The following MAN1C1 variants were observed in gnomAD, a reference collection of about 807,000 sequenced individuals.
The protein encoded by MAN1C1 is mannosidase alpha class 1C member 1.
MAN1C1 carries 49 observed loss-of-function variants against 71.5 expected under a neutral mutation model. That is an observed-to-expected ratio of 0.69 (90% CI 0.54 to 0.87). MAN1C1 has a LOEUF of 0.87. Ranked by LOEUF, MAN1C1 falls within the 40% of genes least tolerant of loss-of-function variation. The pLI is 0.00. For missense variants in MAN1C1, 743 were observed against 835.0 expected (o/e 0.89, Z 1.36); for synonymous variants, 352 against 343.7 (o/e 1.02, Z -0.27).
intron 2 of MAN1C1, among the ~76,000 whole-genome samples, chr1:25,688,222 A>G (rs1030825450): frequency 1.3e-5 from 2 of 152,204 alleles, no homozygotes; most frequent in African/African-American, 2.4e-5. Context: ...TACTTCAAAT[A>G]TGAATTAAAG....
chr1:25,716,498 T>C (rs1162853521), intron 2 of MAN1C1, among the ~76,000 whole-genome samples: 4 of 152,186 alleles, frequency 2.6e-5, no homozygotes, highest in African/African-American at 9.6e-5. Context: ...TAATTGTTTT[T>C]GTGTTTTTAG....
In MAN1C1 at chr1:25,644,521, T is replaced by C. The variant is rs910859777; in HGVS notation, c.540+26184T>C. Reference sequence around the variant, plus strand: ...ACATATATATATATATATATATATTTTTTTTTTTTTTTTTTTTTTTTTGAG... The same window carrying C: ...ACATATATATATATATATATATATTCTTTTTTTTTTTTTTTTTTTTTTGAG... On this transcript the variant is annotated intron_variant, in intron 1 of 11. Coordinates refer to ENST00000374332, the MANE Select transcript of MAN1C1 (RefSeq NM_020379.4). The C allele has an allele frequency of 2.6e-5, 3 of 114,228 alleles. No homozygotes were observed. In the Admixed American group the frequency reaches 2.6e-4, roughly 10 times the overall value. 7.1% of individuals were successfully genotyped at this position (114,228 alleles called of 1,614,324 possible). A position where few individuals can be genotyped will look rare whatever the true frequency, so the allele number is the denominator to read the frequency against.
intron 2 of MAN1C1, among the ~76,000 whole-genome samples, chr1:25,701,277 A>C (rs1341958941): frequency 6.6e-6 from 1 of 152,170 alleles, no homozygotes; most frequent in Non-Finnish European, 1.5e-5. Flanking sequence ...GTTGTCACAA[A>C]AGCTGGCAAA....
At chr1:25,709,515 C>G (rs935968137) in intron 2 of MAN1C1, 1 of 152,264 alleles carries the variant, frequency 6.6e-6, no homozygotes, top group African/African-American at 2.4e-5. Context: ...AAAGCCCATG[C>G]TCTTACCCAG....
At chr1:25,722,243 G>A (rs943761003) in intron 2 of MAN1C1, among the ~76,000 whole-genome samples, 5 of 152,084 alleles carry the variant, frequency 3.3e-5, no homozygotes, top group African/African-American at 7.2e-5. Context: ...ATTTCATGAC[G>A]ATATACCTCA....
chr1:25,768,451 C>A (rs1290491798), intron 7 of MAN1C1, among the ~76,000 whole-genome samples: 1 of 131,466 alleles, frequency 7.6e-6, no homozygotes, highest in South Asian at 2.8e-4. Flanking sequence ...TCACACACAT[C>A]CACACTCCCC....
chr1:25,737,922 G>C (rs937658142), intron 2 of MAN1C1, among the ~76,000 whole-genome samples: 1 of 152,136 alleles, frequency 6.6e-6, no homozygotes, highest in Non-Finnish European at 1.5e-5. Flanking sequence ...GCATCACTTT[G>C]CAAAGAGAGC....
chr1:25,683,837 G>T (rs1021199106), intron 1 of MAN1C1, among the ~76,000 whole-genome samples: 1 of 152,196 alleles, frequency 6.6e-6, no homozygotes, highest in Admixed American at 6.5e-5. Context: ...AGCCACCCAT[G>T]GCCGGAGTCG....
intron 7 of MAN1C1, among the ~76,000 whole-genome samples, chr1:25,766,720 C>T (rs2047431953): frequency 6.6e-6 from 1 of 152,130 alleles, no homozygotes; most frequent in South Asian, 2.1e-4. Context: ...AGGCCAACCC[C>T]CTGAGAGCTG....
At chr1:25,739,359 G>T (rs1353836465) in intron 2 of MAN1C1, among the ~76,000 whole-genome samples, 1 of 152,202 alleles carries the variant, frequency 6.6e-6, no homozygotes, top group Non-Finnish European at 1.5e-5. Flanking sequence ...AGAAAAACGT[G>T]TGTGTTGTTT....
At position 25,644,514 on chromosome 1, in the gene MAN1C1, A is replaced by ATTT. The variant is rs1429643822; in HGVS notation, c.540+26178_540+26179insTTT. The ATTT allele has an allele frequency of 4.9e-4, 43 of 88,336 alleles. 1 individual carries two copies. The highest frequency in any genetic ancestry group is 3.5e-3 in the African/African-American group (41 of 11,720). 5.5% of individuals were successfully genotyped at this position (88,336 alleles called of 1,614,324 possible). ...ACCAGAGACATATATATATATATAT[A>ATTT]TATATTTTTTTTTTTTTTTTTTTTT... On this transcript the variant is annotated intron_variant, in intron 1 of 11. Coordinates refer to ENST00000374332, the MANE Select transcript of MAN1C1 (RefSeq NM_020379.4).
intron 2 of MAN1C1, among the ~76,000 whole-genome samples, chr1:25,737,176 A>G (rs1180239225): frequency 2.0e-5 from 3 of 152,254 alleles, no homozygotes; most frequent in African/African-American, 7.2e-5. Flanking sequence ...AAAAACAAAC[A>G]TTAACATTTT....
In MAN1C1 at chr1:25,778,475, A is replaced by G. The variant is rs545612401; in HGVS notation, c.1477+151A>G. 1.3e-6 allele frequency: 1 copy of G among 756,442 alleles called. No individual in the cohort carries two copies. The highest frequency in any genetic ancestry group is 2.0e-5 in the South Asian group (1 of 50,824). The allele number at this position is 756,442 out of a possible 1,614,324, so 46.9% of individuals were successfully genotyped here. On this transcript the variant is annotated intron_variant, in intron 9 of 11. Transcript: ENST00000374332. The surrounding 1 kb of genome is among the most constrained non-coding windows in gnomAD (Gnocchi z 5.5). Reference sequence around the variant, plus strand: ...GTAGAATTTGAGAGAGGTACTCTCCAGGCTCCGAGACCATACCCTGAATGA... The same window carrying G: ...GTAGAATTTGAGAGAGGTACTCTCCGGGCTCCGAGACCATACCCTGAATGA...
At chr1:25,745,527 AAAAGAAAGAAAG>A (rs536697287) in intron 2 of MAN1C1, among the ~76,000 whole-genome samples, 14 of 151,996 alleles carry the variant, frequency 9.2e-5, no homozygotes, top group Non-Finnish European at 1.8e-4. Context: ...AATTTACTTA[AAAAGAAAGAAAG>A]AAAGAAAGAA....
intron 1 of MAN1C1, among the ~76,000 whole-genome samples, chr1:25,684,588 C>G (rs2046201953): frequency 6.6e-6 from 1 of 152,194 alleles, no homozygotes; most frequent in South Asian, 2.1e-4. Context: ...CACGGAGAGT[C>G]CAGGCCATGC....
chr1:25,635,593 G>C (rs1182683270), intron 1 of MAN1C1, among the ~76,000 whole-genome samples: 1 of 151,934 alleles, frequency 6.6e-6, no homozygotes, highest in East Asian at 1.9e-4. Context: ...GGGATTACAG[G>C]CATGTGCCAC....
rs760713934 is a variant in MAN1C1 at position 25,783,820 on chromosome 1, C to T, written c.*31C>T. The T allele has an allele frequency of 1.2e-4, 196 of 1,600,848 alleles. No homozygotes were observed. The highest frequency in any genetic ancestry group is 5.7e-4 in the South Asian group (52 of 90,910). On this transcript the variant is annotated 3_prime_UTR_variant, in exon 12 of 12. Coordinates refer to ENST00000374332, the MANE Select transcript of MAN1C1 (RefSeq NM_020379.4). ...TCTCCTGCCGCCGCCCTGGGGCCGC[C>T]GCAGGGATGCCTTGCCTTTTCAGGA...
intron 2 of MAN1C1, among the ~76,000 whole-genome samples, chr1:25,727,824 C>T (rs1166482344): frequency 2.0e-5 from 3 of 152,236 alleles, no homozygotes; most frequent in Non-Finnish European, 2.9e-5. Context: ...GATTGCCCAG[C>T]CACATCCAAA....
chr1:25,654,515 C>T (rs2045736401), intron 1 of MAN1C1: 1 of 152,352 alleles, frequency 6.6e-6, no homozygotes, highest in African/African-American at 2.4e-5. Flanking sequence ...AGCAGCTTTT[C>T]TCTTCTCCAA....
Sources: allele counts gnomAD v4.1 joint callset (sites outside exome capture counted in the v4.1 genomes callset), GRCh38; gene constraint gnomAD v4.1.1; non-coding constraint Gnocchi (gnomAD v3.1); transcripts MANE v1.5; gene names NCBI Gene and HGNC (gene_info 2026-07-23, HGNC 2026-07-21).